TMPRSS2: variants seen among roughly 807,000 people sequenced by gnomAD.
TMPRSS2 encodes transmembrane protease serine 2.
A neutral mutation model predicts 67.4 loss-of-function variants in TMPRSS2; 59 were observed. That is an observed-to-expected ratio of 0.88 (90% confidence interval 0.71 to 1.09). The LOEUF is 1.09. TMPRSS2 is among the 50% of genes least tolerant of loss of function. The pLI, the probability that TMPRSS2 is intolerant of heterozygous loss-of-function variation, is 0.00. For synonymous variants in TMPRSS2, 257 were observed against 257.0 expected, an observed-to-expected ratio of 1.00 and a Z score of 0.00; for missense variants, 668 against 642.7, an observed-to-expected ratio of 1.04 and a Z score of -0.43.
At chr21:41,488,191 G>A (rs2091311487) in intron 5 of TMPRSS2, among the ~76,000 whole-genome samples, 1 of 152,136 alleles carries the variant, frequency 6.6e-6, no homozygotes, top group Non-Finnish European at 1.5e-5. Context: ...CGGTGGCCCT[G>A]TCATCTCCCA....
At chr21:41,496,441 G>A (rs1198197589) in intron 2 of TMPRSS2, among the ~76,000 whole-genome samples, 1 of 152,222 alleles carries the variant, frequency 6.6e-6, no homozygotes, top group Non-Finnish European at 1.5e-5. Flanking sequence ...ATGCATTTTT[G>A]TGCAGAGGGT....
chr21:41,508,101 C>A lies in TMPRSS2; in HGVS notation c.-77G>T. 8.5e-7 allele frequency: 1 copy of A among 1,178,782 alleles called. No homozygotes were observed. Among genetic ancestry groups the A allele is most frequent in the Non-Finnish European group, 1.1e-6 (1 of 917,618 alleles). 73.0% of individuals were successfully genotyped at this position (1,178,782 alleles called of 1,614,324 possible). On this transcript the variant is annotated 5_prime_UTR_variant, in exon 1 of 14. Transcript: ENST00000332149. The stretch of plus-strand genomic sequence containing the variant: ...CTCACCTGCCGCGCTCCAGGCGGCG[C>A]TCCCCGCCCCTCGCCCTCCGCCTCC...
At chr21:41,468,199 G>A (rs1037934620) in intron 12 of TMPRSS2, 197 bp downstream of exon 12, 61 of 662,810 alleles carry the variant, frequency 9.2e-5, no homozygotes, top group Non-Finnish European at 1.4e-4. Context: ...TTCAGAGGGT[G>A]TGTGTGATTT....
rs147711290 is a variant in TMPRSS2, at chr21:41,489,560, A to G, written c.272T>C (p.Leu91Pro). 1.0e-4 allele frequency: 164 copies of G among 1,614,200 alleles called. No individual in the cohort carries two copies. Among genetic ancestry groups the G allele is most frequent in the Admixed American group, 1.5e-4 (9 of 60,034 alleles). Residue 91 changes from leucine (L) to proline (P), a missense_variant, in exon 4 of 14, where the codon CTG becomes CCG. Physicochemically the swap from Leu to Pro is moderately conservative, Grantham distance 98. Coordinates refer to ENST00000332149, the MANE Select transcript of TMPRSS2 (RefSeq NM_005656.4). Reference protein sequence around the residue: ...TKKALCITLTLGTFLVGAALA... With the variant: ...TKKALCITLTPGTFLVGAALA... ...CGCAGCTCCCACGAGGAAGGTCCCCAGGGTCAAGGTGATGCACAGTGCTTT... is the reference window on the plus strand; with the variant it reads ...CGCAGCTCCCACGAGGAAGGTCCCCGGGGTCAAGGTGATGCACAGTGCTTT...
rs746813015 is a variant in TMPRSS2 at position 41,488,530 on chromosome 21, A to T, written c.326-17T>A. On this transcript the variant is annotated splice_polypyrimidine_tract_variant and intron_variant, in intron 4 of 13. Coordinates refer to ENST00000332149, the MANE Select transcript of TMPRSS2 (RefSeq NM_005656.4). ...TGCTGCCCACTTGCAGAGAAAACAGAAGAGAGGTGCCCTTCAGGCTGAGAA... is the reference window on the plus strand; with the variant it reads ...TGCTGCCCACTTGCAGAGAAAACAGTAGAGAGGTGCCCTTCAGGCTGAGAA... 1 of 1,606,896 alleles carries T rather than the reference A, an allele frequency of 6.2e-7. No individual in the cohort carries two copies. Among genetic ancestry groups the T allele is most frequent in the Admixed American group, 1.7e-5 (1 of 59,326 alleles).
intron 9 of TMPRSS2, among the ~76,000 whole-genome samples, chr21:41,472,554 G>A (rs1010457370): frequency 4.6e-5 from 7 of 152,050 alleles, no homozygotes; most frequent in Admixed American, 3.3e-4. Context: ...GTGTGAAGAG[G>A]GGGAGAGAAG....
At chr21:41,475,370 T>G (rs1197759233) in intron 8 of TMPRSS2, among the ~76,000 whole-genome samples, 4 of 8,540 alleles carry the variant, frequency 4.7e-4, no homozygotes, top group African/African-American at 2.0e-3. Context: ...GGTGAGGGAG[T>G]GAGGGATTAG....
chr21:41,507,914 G>T (rs1031142674), intron 1 of TMPRSS2, 167 bp downstream of exon 1: 5 of 1,493,532 alleles, frequency 3.3e-6, no homozygotes, highest in African/African-American at 2.9e-5. Context: ...CGCCCTGCCC[G>T]GCTGGCCCCA....
rs113288437 is a variant in TMPRSS2, at chr21:41,473,289, T to G, written c.899+36A>C. 8.3e-3 allele frequency: 12,815 copies of G among 1,543,272 alleles called. 541 individuals are homozygous for G. In the African/African-American group the frequency reaches 0.12, roughly 14 times the overall value. ...TCACAGGGTGGCTGTAGGCCAGCCC[T>G]GAGCCCCCACCCGGCCCGCGCCGCC... On this transcript the variant is annotated intron_variant, in intron 9 of 13. Coordinates refer to ENST00000332149, the MANE Select transcript of TMPRSS2 (RefSeq NM_005656.4).
At chr21:41,500,732 T>C (rs934267200) in intron 1 of TMPRSS2, among the ~76,000 whole-genome samples, 2 of 152,244 alleles carry the variant, frequency 1.3e-5, no homozygotes, top group Non-Finnish European at 2.9e-5. Flanking sequence ...AAGTGACTAA[T>C]GTACAGGTGG....
In TMPRSS2 at chr21:41,498,289, T is replaced by C. The variant is rs531300154; in HGVS notation, c.-56-100A>G. On this transcript the variant is annotated intron_variant, in intron 1 of 13. Coordinates refer to ENST00000332149, the MANE Select transcript of TMPRSS2 (RefSeq NM_005656.4). ...GAAGAATCTCTAGATGAAGGTTACC[T>C]ACAACAAAGACCAGTGTTGCCTGCT... is the stretch of plus-strand genomic sequence containing the variant. The C allele has an allele frequency of 6.6e-6, 5 of 761,004 alleles. No homozygotes were observed. The South Asian group carries it at 9.0e-5, about 14-fold the overall frequency. The allele number at this position is 761,004 out of a possible 1,614,324, so 47.1% of individuals were successfully genotyped here.
chr21:41,503,812 C>T (rs983709217), intron 1 of TMPRSS2, among the ~76,000 whole-genome samples: 2 of 152,202 alleles, frequency 1.3e-5, no homozygotes, highest in African/African-American at 4.8e-5. Context: ...ATATTACTCC[C>T]AACTCCTTAT....
intron 7 of TMPRSS2, 90 bp from the exon 8 acceptor site, chr21:41,476,710 TC>T (rs2091216669): frequency 8.7e-7 from 1 of 1,148,702 alleles, no homozygotes; most frequent in Non-Finnish European, 1.3e-6. Context: ...CTTCCGATGT[TC>T]CCTCTCCTGT....
intron 9 of TMPRSS2, 71 bp downstream of exon 9, chr21:41,473,254 C>G: frequency 6.8e-7 from 1 of 1,479,494 alleles, no homozygotes; most frequent in Non-Finnish European, 9.1e-7. Flanking sequence ...GGGTTGAGAC[C>G]TGCTCAAGGT....
At chr21:41,485,446 G>A (rs967571049) in intron 5 of TMPRSS2, among the ~76,000 whole-genome samples, 6 of 151,870 alleles carry the variant, frequency 4.0e-5, no homozygotes, top group Non-Finnish European at 4.4e-5. Flanking sequence ...TCAGGAGTTC[G>A]AGACCAGTCT....
chr21:41,497,802 G>A (rs2091395056), intron 2 of TMPRSS2, among the ~76,000 whole-genome samples: 1 of 152,178 alleles, frequency 6.6e-6, no homozygotes, highest in African/African-American at 2.4e-5. Flanking sequence ...ACATACCCCT[G>A]TTATCGCCAT....
chr21:41,502,082 C>A (rs138763189), intron 1 of TMPRSS2, among the ~76,000 whole-genome samples: 54 of 152,338 alleles, frequency 3.5e-4, no homozygotes, highest in African/African-American at 1.3e-3. Flanking sequence ...GCTGTCCTCG[C>A]ACTGTTTTGG....
chr21:41,501,249 T>A (rs1472418754), intron 1 of TMPRSS2, among the ~76,000 whole-genome samples: 5 of 152,178 alleles, frequency 3.3e-5, no homozygotes, highest in Admixed American at 3.3e-4. Context: ...AACAAAAATA[T>A]TCCGTGTGCC....
In TMPRSS2 at chr21:41,467,517, C is replaced by G. The variant is rs910388295; in HGVS notation, c.1467+217G>C. ...CAAGCTGAGCCCCAGCGCTTTTCAT[C>G]CAAACACCAGGGGAAATATGCAAGT... is the stretch of plus-strand genomic sequence containing the variant. On this transcript the variant is annotated intron_variant, in intron 13 of 13. Coordinates refer to ENST00000332149, the MANE Select transcript of TMPRSS2 (RefSeq NM_005656.4). Among the ~76,000 whole-genome samples, 145 of 152,288 alleles carry G rather than the reference C, an allele frequency of 9.5e-4. 1 individual carries two copies. Among genetic ancestry groups the G allele is most frequent in the East Asian group, 3.9e-4 (2 of 5,182 alleles).
Sources: gnomAD v4.1 joint callset for allele counts (sites outside exome capture counted in the v4.1 genomes callset) on GRCh38, gnomAD v4.1.1 for gene constraint, MANE v1.5 for transcripts, NCBI Gene and HGNC (gene_info 2026-07-23, HGNC 2026-07-21) for gene names.